ADAMTSL3: variants seen among roughly 807,000 people sequenced by gnomAD.
ADAMTSL3 encodes the protein ADAMTS-like protein 3.
ADAMTSL3 carries 128 observed loss-of-function variants against 201.7 expected under a neutral mutation model. The ratio of observed to expected loss-of-function variants is 0.63; its 90% CI spans 0.55 to 0.73. ADAMTSL3 has a LOEUF of 0.73. Ranked by LOEUF, ADAMTSL3 falls within the 30% of genes least tolerant of loss-of-function variation. The pLI is 0.00. For synonymous variants in ADAMTSL3, 738 were observed against 748.4 expected (o/e 0.99, Z 0.23); for missense variants, 1,990 against 2,119.6 (o/e 0.94, Z 1.20).
At chr15:83,917,136 A>G (rs1428027185) in intron 16 of ADAMTSL3, among the ~76,000 whole-genome samples, 4 of 152,204 alleles carry the variant, frequency 2.6e-5, no homozygotes, top group African/African-American at 9.6e-5. Context: ...ACAGGCATAT[A>G]TTTATTTCTT....
intron 22 of ADAMTSL3, 144 bp from the exon 23 acceptor site, chr15:83,990,942 C>T: frequency 8.7e-7 from 1 of 1,149,088 alleles, no homozygotes; most frequent in Non-Finnish European, 1.2e-6. Flanking sequence ...TGCACATCCC[C>T]ACGGTGCACC....
intron 8 of ADAMTSL3, among the ~76,000 whole-genome samples, chr15:83,869,167 C>T (rs2065035216): frequency 6.6e-6 from 1 of 152,106 alleles, no homozygotes; most frequent in Non-Finnish European, 1.5e-5. Context: ...TGTTATGTTC[C>T]ACTGAACTTT....
intron 27 of ADAMTSL3, among the ~76,000 whole-genome samples, chr15:84,029,672 G>A (rs1011325339): frequency 1.3e-5 from 2 of 152,114 alleles, no homozygotes; most frequent in African/African-American, 2.4e-5. Context: ...ATTCAAGCTG[G>A]CTGCAGAAAT....
At chr15:83,842,866 C>A (rs1369909484) in intron 7 of ADAMTSL3, among the ~76,000 whole-genome samples, 1 of 152,130 alleles carries the variant, frequency 6.6e-6, no homozygotes, top group East Asian at 1.9e-4. Context: ...TAGTGTTGGC[C>A]TTAGAAAGTT....
chr15:83,952,757 G>A (rs564689617), intron 19 of ADAMTSL3, among the ~76,000 whole-genome samples: 10 of 148,842 alleles, frequency 6.7e-5, no homozygotes, highest in Non-Finnish European at 1.3e-4. Flanking sequence ...AGTGAGCCAA[G>A]ATCGTGCCAC....
At chr15:83,880,095 A>G (rs1440455469) in intron 9 of ADAMTSL3, among the ~76,000 whole-genome samples, 1 of 151,894 alleles carries the variant, frequency 6.6e-6, no homozygotes, top group African/African-American at 2.4e-5. Context: ...GTTTTCATCA[A>G]CTGGGCTATG....
intron 16 of ADAMTSL3, among the ~76,000 whole-genome samples, 163 bp downstream of exon 16, chr15:83,913,541 T>G (rs1234083321): frequency 6.6e-6 from 1 of 152,144 alleles, no homozygotes; most frequent in African/African-American, 2.4e-5. Flanking sequence ...TCTTTCTTTT[T>G]TTTTTGTAGT....
chr15:83,904,345 A>G (rs573620692), intron 15 of ADAMTSL3, among the ~76,000 whole-genome samples: 234 of 152,150 alleles, frequency 1.5e-3, no homozygotes, highest in Non-Finnish European at 2.4e-3. Context: ...ACAAAACCGC[A>G]ACATATCTCA....
intron 3 of ADAMTSL3, among the ~76,000 whole-genome samples, chr15:83,748,476 T>G (rs1156411929): frequency 6.6e-6 from 1 of 151,806 alleles, no homozygotes; most frequent in Admixed American, 6.6e-5. Context: ...GGCGAAACCC[T>G]GTCTTTACAA....
intron 7 of ADAMTSL3, among the ~76,000 whole-genome samples, chr15:83,847,953 A>G (rs757720967): frequency 1.1e-4 from 16 of 151,298 alleles, no homozygotes; most frequent in African/African-American, 2.2e-4. Flanking sequence ...TTTTTTTGCA[A>G]TTTTCTATAG....
rs1021323246 is a variant in ADAMTSL3, at chr15:84,038,621, C to T, written c.*815C>T. The T allele has an allele frequency of 6.6e-6, 1 of 152,488 alleles. No homozygotes were observed. Among genetic ancestry groups the T allele is most frequent in the African/African-American group, 2.4e-5 (1 of 41,386 alleles). 9.4% of individuals were successfully genotyped at this position (152,488 alleles called of 1,614,324 possible). ...ATTGCACACAAACAGAAAACCAAAG[C>T]CTTATTAGACCTAATTTATGCATAA... is the stretch of plus-strand genomic sequence containing the variant. On this transcript the variant is annotated 3_prime_UTR_variant, in exon 30 of 30. Transcript: ENST00000286744.
intron 2 of ADAMTSL3, among the ~76,000 whole-genome samples, chr15:83,700,128 A>G (rs186136977): frequency 4.5e-4 from 68 of 152,316 alleles, no homozygotes; most frequent in African/African-American, 1.6e-3. Context: ...TGCATGGTCA[A>G]CTGAATATAA....
rs11259938 is a variant in ADAMTSL3 at position 84,004,162 on chromosome 15, C to T, written c.3974-10380C>T. Reference sequence around the variant, plus strand: ...CATTTATTTCCCCTAGTTATTAATTCAATACCCAGTTATTCATTTTGATGA... The same window carrying T: ...CATTTATTTCCCCTAGTTATTAATTTAATACCCAGTTATTCATTTTGATGA... On this transcript the variant is annotated intron_variant, in intron 23 of 29. Transcript: ENST00000286744. 1.9e-3 allele frequency among the ~76,000 whole-genome samples: 296 copies of T among 152,232 alleles called. 7 individuals carry two copies. In the East Asian group the frequency reaches 0.055, roughly 28 times the overall value.
At chr15:84,020,627 G>T (rs1361559775) in intron 25 of ADAMTSL3, among the ~76,000 whole-genome samples, 1 of 152,154 alleles carries the variant, frequency 6.6e-6, no homozygotes, top group Non-Finnish European at 1.5e-5. Flanking sequence ...GACACAGCTG[G>T]TAGCTATTAA....
At chr15:84,012,009 G>A (rs1181504092) in intron 23 of ADAMTSL3, among the ~76,000 whole-genome samples, 1 of 152,164 alleles carries the variant, frequency 6.6e-6, no homozygotes, top group Non-Finnish European at 1.5e-5. Flanking sequence ...CTTTCTGTAT[G>A]TGTATATGTG....
At chr15:83,810,497 A>T (rs1422244466) in intron 5 of ADAMTSL3, among the ~76,000 whole-genome samples, 1 of 152,210 alleles carries the variant, frequency 6.6e-6, no homozygotes, top group Non-Finnish European at 1.5e-5. Context: ...ATATTACTAT[A>T]AATATAGTGG....
At chr15:83,880,471 T>C (rs2065249245) in intron 9 of ADAMTSL3, among the ~76,000 whole-genome samples, 1 of 152,220 alleles carries the variant, frequency 6.6e-6, no homozygotes, top group African/African-American at 2.4e-5. Context: ...AATTGAATAG[T>C]TGCAACAGAA....
chr15:83,679,734 C>T (rs540235755), intron 2 of ADAMTSL3, among the ~76,000 whole-genome samples: 1 of 152,150 alleles, frequency 6.6e-6, no homozygotes, highest in Non-Finnish European at 1.5e-5. Flanking sequence ...CTCCAGCTCC[C>T]TTCTCTCCAA....
Position 84,036,945 on chromosome 15 carries a change from A to G in ADAMTSL3, c.4927A>G (p.Lys1643Glu), listed in dbSNP as rs2068521375. 1 of 1,614,122 alleles carries G rather than the reference A, an allele frequency of 6.2e-7. No individual in the cohort carries two copies. The highest frequency in any genetic ancestry group is 8.5e-7 in the Non-Finnish European group (1 of 1,180,016). ...CAAGAGACACTGTGTACAGAAAAAG[A>G]AACCAATTTCCTGGCGGCACTGTCT... Reference protein sequence around the residue: ...VAKRHCVQKKKPISWRHCLGP... With the variant: ...VAKRHCVQKKEPISWRHCLGP... Residue 1643 changes from lysine (K) to glutamate (E), a missense_variant, in exon 29 of 30, where the codon AAA becomes GAA. Transcript: ENST00000286744.
Sources: gnomAD v4.1 joint callset for allele counts (sites outside exome capture counted in the v4.1 genomes callset) on GRCh38, gnomAD v4.1.1 for gene constraint, MANE v1.5 for transcripts, NCBI Gene and HGNC (gene_info 2026-07-23, HGNC 2026-07-21) for gene names.